The following SYNE3 variants were observed in gnomAD, a reference collection of about 807,000 sequenced individuals.
SYNE3 encodes spectrin repeat containing nuclear envelope family member 3, also known as nesprin-3.
Under a neutral mutation model 111.2 loss-of-function variants are expected in SYNE3, and 100 were observed. The ratio of observed to expected loss-of-function variants is 0.90; its 90% CI spans 0.77 to 1.06. The LOEUF is 1.06. Among genes scored for constraint, SYNE3 ranks in the 50% least tolerant of loss-of-function variants. SYNE3 has a pLI of 0.00. For synonymous variants in SYNE3, 547 were observed against 533.9 expected, an observed-to-expected ratio of 1.02 and a Z score of -0.34; for missense variants, 1,160 against 1,240.3, an observed-to-expected ratio of 0.94 and a Z score of 0.97.
chr14:95,476,381 G>T (rs548904427), intron 1 of SYNE3, among the ~76,000 whole-genome samples: 44 of 152,324 alleles, frequency 2.9e-4, no homozygotes, highest in African/African-American at 9.9e-4. Flanking sequence ...TCCATGGGCA[G>T]GTCCTGCTAA....
chr14:95,461,551 G>A (rs991283809), intron 4 of SYNE3, among the ~76,000 whole-genome samples: 4 of 152,186 alleles, frequency 2.6e-5, no homozygotes, highest in African/African-American at 4.8e-5. Flanking sequence ...CTGTGGTTCC[G>A]TCCCCATCAA....
At chr14:95,494,661 A>G (rs1296270493) in intron 1 of SYNE3, among the ~76,000 whole-genome samples, 1 of 152,212 alleles carries the variant, frequency 6.6e-6, no homozygotes, top group East Asian at 1.9e-4. Context: ...CAGGACCCAC[A>G]AGCAGTCAGG....
intron 17 of SYNE3, among the ~76,000 whole-genome samples, chr14:95,430,697 G>A (rs1885709250): frequency 6.6e-6 from 1 of 152,162 alleles, no homozygotes; most frequent in African/African-American, 2.4e-5. Flanking sequence ...GGTAGCGCAT[G>A]CCTGTAATCC....
intron 2 of SYNE3, among the ~76,000 whole-genome samples, chr14:95,471,293 A>G (rs565459622): frequency 2.0e-5 from 3 of 152,348 alleles, no homozygotes; most frequent in African/African-American, 7.2e-5. Flanking sequence ...GGAATGTCCC[A>G]TGCGGACAAT....
intron 1 of SYNE3, among the ~76,000 whole-genome samples, chr14:95,484,911 G>A (rs963039070): frequency 2.0e-5 from 3 of 152,284 alleles, no homozygotes; most frequent in Admixed American, 1.3e-4. Flanking sequence ...TCACACTGGC[G>A]CCTGCCTCAG....
At chr14:95,484,427 G>A (rs1889431821) in intron 1 of SYNE3, among the ~76,000 whole-genome samples, 1 of 152,204 alleles carries the variant, frequency 6.6e-6, no homozygotes, top group South Asian at 2.1e-4. Context: ...CTCCTGAGGG[G>A]AACCCTGGCC....
At chr14:95,434,721 G>A (rs769602669) in intron 15 of SYNE3, among the ~76,000 whole-genome samples, 18 of 152,138 alleles carry the variant, frequency 1.2e-4, no homozygotes, top group African/African-American at 2.4e-4. Flanking sequence ...GCAATGGCGC[G>A]ATCTCGGCTC....
rs763671081 is a variant in SYNE3, at chr14:95,446,012, A to G, written c.1529T>C (p.Phe510Ser). The change falls in exon 9 of 18, where the codon TTT (phenylalanine) becomes TCT (serine). Residue 510 changes from phenylalanine (F) to serine (S), a missense_variant. By Grantham distance (155) the Phe-to-Ser change is radical. Coordinates refer to ENST00000682763, the MANE Select transcript of SYNE3 (RefSeq NM_152592.6). ...GAGTGCCGTGGCTCTCTCCTGGCCA[A>G]AGATGCCAATCAGGAGGTCTTTCTT... ...QLKKDLLIGI[F>S]GQERATALLE... The G allele has an allele frequency of 1.2e-6, 2 of 1,614,140 alleles. No individual in the cohort carries two copies. Among genetic ancestry groups the G allele is most frequent in the South Asian group, 2.2e-5 (2 of 91,082 alleles).
At chr14:95,506,231 A>C (rs995011502) in intron 1 of SYNE3, among the ~76,000 whole-genome samples, 1 of 152,186 alleles carries the variant, frequency 6.6e-6, no homozygotes, top group Non-Finnish European at 1.5e-5. Context: ...CACTGTATTG[A>C]GGAGGATCCT....
chr14:95,492,889 G>A (rs947109432), intron 1 of SYNE3, among the ~76,000 whole-genome samples: 3 of 152,096 alleles, frequency 2.0e-5, no homozygotes, highest in African/African-American at 4.8e-5. Context: ...CTTTAAATGG[G>A]TGAATTGTAT....
intron 1 of SYNE3, among the ~76,000 whole-genome samples, chr14:95,505,215 G>A (rs1030842895): frequency 1.3e-5 from 2 of 152,246 alleles, no homozygotes; most frequent in Non-Finnish European, 2.9e-5. Context: ...GCTGAACCCC[G>A]GGAAATGGCC....
intron 17 of SYNE3, among the ~76,000 whole-genome samples, chr14:95,421,823 C>T (rs1003416815): frequency 6.6e-6 from 1 of 152,230 alleles, no homozygotes; most frequent in African/African-American, 2.4e-5. Flanking sequence ...CGTCCTATCG[C>T]CACAGGGCCT....
chr14:95,445,792 G>T, intron 9 of SYNE3, 117 bp downstream of exon 9: 2 of 1,131,244 alleles, frequency 1.8e-6, no homozygotes, highest in Non-Finnish European at 2.6e-6. Flanking sequence ...TACACCCAGG[G>T]CCACACAGTG....
At chr14:95,455,346 T>C in intron 6 of SYNE3, 31 bp downstream of exon 6, 1 of 1,496,070 alleles carries the variant, frequency 6.7e-7, no homozygotes, top group South Asian at 1.4e-5. Context: ...GACAGCACCC[T>C]GGGCTCCATG....
chr14:95,429,865 T>C lies in SYNE3; in HGVS notation c.2727+2214A>G, dbSNP rs556915987. The C allele has an allele frequency of 1.4e-4, 126 of 896,084 alleles. No homozygotes were observed. In the South Asian group the frequency reaches 4.3e-3, roughly 30 times the overall value. The allele number at this position is 896,084 out of a possible 1,614,324, so 55.5% of individuals were successfully genotyped here. ...GCTACTGAGCAACATCAGCTGGACA[T>C]GTGCGCTCTGGTCCCATCCCCCTCT... is the stretch of plus-strand genomic sequence containing the variant. On this transcript the variant is annotated intron_variant, in intron 17 of 17. Transcript: ENST00000682763.
chr14:95,441,274 A>G (rs879686447), intron 11 of SYNE3, among the ~76,000 whole-genome samples: 1 of 152,212 alleles, frequency 6.6e-6, no homozygotes, highest in Non-Finnish European at 1.5e-5. Context: ...TGAGCCATCA[A>G]TGAGGGCCTG....
chr14:95,437,753 T>C (rs966995101), intron 14 of SYNE3: 4 of 152,246 alleles, frequency 2.6e-5, no homozygotes, highest in Non-Finnish European at 5.9e-5. Context: ...CAAAGCTCAG[T>C]TTGTTTAAAG....
intron 1 of SYNE3, among the ~76,000 whole-genome samples, chr14:95,513,122 C>G (rs1890780690): frequency 6.6e-6 from 1 of 152,188 alleles, no homozygotes. Flanking sequence ...TAGCCAGTAA[C>G]TACAAAGTGA....
chr14:95,461,629 T>A (rs1255616302), intron 4 of SYNE3, among the ~76,000 whole-genome samples: 1 of 152,218 alleles, frequency 6.6e-6, no homozygotes, highest in African/African-American at 2.4e-5. Flanking sequence ...AGCAGTGGCC[T>A]GTTCTAGCAT....
Sources: allele counts gnomAD v4.1 joint callset (sites outside exome capture counted in the v4.1 genomes callset), GRCh38; gene constraint gnomAD v4.1.1; transcripts MANE v1.5; gene names NCBI Gene and HGNC (gene_info 2026-07-23, HGNC 2026-07-21).